The following GGT1 variants were observed in gnomAD, a reference collection of about 807,000 sequenced individuals.
GGT1 encodes the protein glutathione hydrolase 1 proenzyme.
A neutral mutation model predicts 56.0 loss-of-function variants in GGT1; 21 were observed. That is an observed-to-expected ratio of 0.38 (90% CI 0.27 to 0.54). The LOEUF (loss-of-function observed/expected upper bound fraction) is 0.54. Ranked by LOEUF, GGT1 falls within the 20% of genes least tolerant of loss-of-function variation. The probability of loss-of-function intolerance (pLI) is 0.82; values close to 1 mark genes in which losing one functional copy is unlikely to be tolerated. For synonymous variants in GGT1, 238 were observed against 342.6 expected (o/e 0.69, Z 3.37); for missense variants, 466 against 787.0 (o/e 0.59, Z 4.88).
upstream of GGT1, among the ~76,000 whole-genome samples, chr22:24,601,073 C>G (rs200569229): frequency 3.9e-5 from 6 of 152,272 alleles, no homozygotes; most frequent in East Asian, 1.9e-4. Flanking sequence ...AGCCAGTTTA[C>G]CAAGTGTCTC....
At chr22:24,585,090 C>T in the GGT1 span, among the ~76,000 whole-genome samples, 3 of 152,172 alleles carry the variant, frequency 2.0e-5, no homozygotes, top group South Asian at 4.1e-4. Context: ...CACTTTGTCT[C>T]TGGCTTGCTG....
At chr22:24,588,497 G>C in the GGT1 span, 1 of 754,000 alleles carries the variant, frequency 1.3e-6, no homozygotes, top group South Asian at 1.7e-5. Context: ...ACCCGGCTGT[G>C]GCCTGGCACA....
intron 7 of GGT1, among the ~76,000 whole-genome samples, chr22:24,617,416 T>G (rs1264617733): frequency 6.6e-6 from 1 of 152,124 alleles, no homozygotes; most frequent in Non-Finnish European, 1.5e-5. Context: ...ATCTGGCCTA[T>G]GGACCCCGTG....
rs1436743061 is a variant in GGT1, at chr22:24,620,339, G to A, written c.394G>A (p.Val132Met). Reference protein sequence around the residue: ...SEQSQKGGLSVAVPGEIRGYE... With the variant: ...SEQSQKGGLSMAVPGEIRGYE... ...CTCTCTCTCCCCAGGGGGGCTGTCG[G>A]TGGCGGTGCCTGGGGAGATCCGAGG... The change falls in exon 8 of 16, where the codon GTG (valine) becomes ATG (methionine). Residue 132 changes from valine (V) to methionine (M), a missense_variant. Around this residue, in one of 2 missense-constraint regions of GGT1, gnomAD observed 456 missense variants for 716.7 expected, o/e 0.64. Coordinates refer to ENST00000400382, the MANE Select transcript of GGT1 (RefSeq NM_001288833.2). This position sits in a 1 kb window ranked among gnomAD's most constrained non-coding sequence, Gnocchi z 5.6. 1 of 1,611,746 alleles carries A rather than the reference G, an allele frequency of 6.2e-7. No homozygotes were observed. Among genetic ancestry groups the A allele is most frequent in the Admixed American group, 1.7e-5 (1 of 59,994 alleles).
chr22:24,611,514 C>CCTAT lies in GGT1; in HGVS notation c.164+295_164+298dup, dbSNP rs201643332. On this transcript the variant is annotated intron_variant, in intron 5 of 15. Transcript: ENST00000400382. ...TGGTTGTTATTTTTACTTATTTCTT[C>CCTAT]CTATCTATCTATCTATCTATCTATC... Among the ~76,000 whole-genome samples the CCTAT allele has an allele frequency of 4.4e-3, 605 of 136,724 alleles. 2 individuals are homozygous for CCTAT. The highest frequency in any genetic ancestry group is 8.1e-3 in the African/African-American group (244 of 30,022). 89.7% of individuals were successfully genotyped at this position (136,724 alleles called of 152,430 possible).
chr22:24,624,338 C>T (rs1174051398), intron 11 of GGT1: 4 of 985,298 alleles, frequency 4.1e-6, no homozygotes, highest in Non-Finnish European at 4.8e-6. Context: ...CCTGCACCAC[C>T]TGACCCACTC....
At chr22:24,586,429 G>A in the GGT1 span, 13 of 1,596,788 alleles carry the variant, frequency 8.1e-6, no homozygotes, top group South Asian at 1.5e-4. Context: ...AGAGTGGCAG[G>A]TGGGGATGGA....
At chr22:24,603,693 C>T (rs1265800780) in intron 1 of GGT1, among the ~76,000 whole-genome samples, 166 bp downstream of exon 1, 1 of 151,720 alleles carries the variant, frequency 6.6e-6, no homozygotes, top group Non-Finnish European at 1.5e-5. Context: ...GCCGTGGCTT[C>T]TTGGAATTAA....
At chr22:24,625,549 T>G (rs1233111710) in intron 11 of GGT1, among the ~76,000 whole-genome samples, 5 of 137,698 alleles carry the variant, frequency 3.6e-5, no homozygotes, top group Admixed American at 3.5e-4. Context: ...TACAGGTGTG[T>G]TTTTTTTTTT....
chr22:24,596,077 A>G (rs1449414149), intron 1 of GGT1, among the ~76,000 whole-genome samples: 1 of 152,198 alleles, frequency 6.6e-6, no homozygotes, highest in Non-Finnish European at 1.5e-5. Context: ...AACCTTCTGC[A>G]GGGCCAGGAA....
rs558594048 is a variant in GGT1 at position 24,621,448 on chromosome 22, G to A, written c.733+378G>A. 9.0e-4 allele frequency among the ~76,000 whole-genome samples: 137 copies of A among 151,882 alleles called. 1 individual carries two copies. In the South Asian group the frequency reaches 0.013, roughly 15 times the overall value. On this transcript the variant is annotated intron_variant, in intron 9 of 15. Transcript: ENST00000400382. The stretch of plus-strand genomic sequence containing the variant: ...GGAACAGCTGGGCTAAGGCCCAGTA[G>A]AGGGCGCTTTGATTCACCAAGAGGG...
At chr22:24,612,042 T>G (rs564809546) in intron 5 of GGT1, among the ~76,000 whole-genome samples, 24 of 152,048 alleles carry the variant, frequency 1.6e-4, no homozygotes, top group Non-Finnish European at 2.9e-4. Flanking sequence ...CCTGACCTTG[T>G]GATCCTCCCA....
At chr22:24,623,950 G>A in intron 11 of GGT1, 34 bp downstream of exon 11, 1 of 1,608,212 alleles carries the variant, frequency 6.2e-7, no homozygotes, top group South Asian at 1.1e-5. Flanking sequence ...TGTGGGTGTG[G>A]GGCCTGCCAT....
chr22:24,594,052 G>T (rs540102296), upstream of GGT1, among the ~76,000 whole-genome samples: 1 of 152,338 alleles, frequency 6.6e-6, no homozygotes, highest in South Asian at 2.1e-4. Flanking sequence ...ACAAGGGGTG[G>T]GGGTGGCGGC....
At chr22:24,619,400 GA>G (rs372709571) in intron 7 of GGT1, among the ~76,000 whole-genome samples, 45,185 of 96,596 alleles carry the variant, frequency 0.47, 7,132 homozygotes, top group Middle Eastern at 0.59. Flanking sequence ...CTCCATCTCA[GA>G]AAAAAAAAAA....
Position 24,628,679 on chromosome 22 carries a change from C to G in GGT1, c.1564-14C>G. On this transcript the variant is annotated splice_polypyrimidine_tract_variant and intron_variant, in intron 15 of 15. Coordinates refer to ENST00000400382, the MANE Select transcript of GGT1 (RefSeq NM_001288833.2). The surrounding 1 kb of genome is among the most constrained non-coding windows in gnomAD (Gnocchi z 5.7). ...GGAGCCCTGCTCAGGCTTCCCCTCT[C>G]CTCCCACCCCCAGGCAGTGACTGCA... is the stretch of plus-strand genomic sequence containing the variant. The G allele has an allele frequency of 6.2e-7, 1 of 1,610,900 alleles. No homozygotes were observed. Among genetic ancestry groups the G allele is most frequent in the East Asian group, 2.2e-5 (1 of 44,892 alleles).
intron 4 of GGT1, 119 bp from the exon 5 acceptor site, chr22:24,610,956 C>T (rs1000175745): frequency 1.7e-5 from 14 of 819,252 alleles, no homozygotes; most frequent in Admixed American, 4.6e-5. Context: ...TTCTGGGAAG[C>T]GGGAAGGAGA....
chr22:24,587,159 G>A, the GGT1 span, among the ~76,000 whole-genome samples: 4 of 152,174 alleles, frequency 2.6e-5, no homozygotes, highest in Non-Finnish European at 5.9e-5. Context: ...TTCTTTTAGG[G>A]TAGGGAGAAA....
rs1286214581 is a variant in GGT1, at chr22:24,605,457, TATATA to T, written c.-429+1940_-429+1944del. On this transcript the variant is annotated intron_variant, in intron 1 of 15. Transcript: ENST00000400382. ...ATATAACAATATATAATGTGTATTA[TATATA>T]ATATAATATTATATAATGTGTATTA... Among the ~76,000 whole-genome samples the T allele has an allele frequency of 1.5e-4, 7 of 45,360 alleles. 1 individual carries two copies. Among genetic ancestry groups the T allele is most frequent in the Non-Finnish European group, 1.8e-4 (5 of 27,680 alleles). The allele number at this position is 45,360 out of a possible 152,430, so 29.8% of individuals were successfully genotyped here. A position where few individuals can be genotyped will look rare whatever the true frequency, so the allele number is the denominator to read the frequency against.
Sources: gnomAD v4.1 joint callset for allele counts (sites outside exome capture counted in the v4.1 genomes callset) on GRCh38, gnomAD v4.1.1 for gene constraint, gnomAD v4.1.1 regional missense constraint, Gnocchi (gnomAD v3.1) non-coding constraint, MANE v1.5 for transcripts, NCBI Gene and HGNC (gene_info 2026-07-23, HGNC 2026-07-21) for gene names.